The following CNTNAP2 variants were observed in gnomAD, a reference collection of about 807,000 sequenced individuals.
CNTNAP2 encodes contactin-associated protein-like 2.
CNTNAP2 carries 98 observed loss-of-function variants against 155.2 expected under a neutral mutation model. That is an observed-to-expected ratio of 0.63 (90% CI 0.54 to 0.75). The LOEUF (loss-of-function observed/expected upper bound fraction) is 0.75, where lower values mean the gene tolerates loss of function less well. CNTNAP2 is among the 30% of genes least tolerant of loss of function. The pLI, the probability that CNTNAP2 is intolerant of heterozygous loss-of-function variation, is 0.00. For synonymous variants in CNTNAP2, 651 were observed against 631.2 expected, an observed-to-expected ratio of 1.03 and a Z score of -0.47; for missense variants, 1,727 against 1,688.1, an observed-to-expected ratio of 1.02 and a Z score of -0.40.
chr7:146,826,879 G>T (rs967030614), intron 2 of CNTNAP2, among the ~76,000 whole-genome samples: 1 of 150,688 alleles, frequency 6.6e-6, no homozygotes, highest in African/African-American at 2.4e-5. Flanking sequence ...GAGAGAGAGA[G>T]ACTTGAGTAA....
chr7:146,729,271 T>A (rs954568975), intron 1 of CNTNAP2, among the ~76,000 whole-genome samples: 2 of 152,104 alleles, frequency 1.3e-5, no homozygotes, highest in African/African-American at 4.8e-5. Flanking sequence ...GAGACAAAAG[T>A]CTTTTCAATT....
intron 21 of CNTNAP2, 99 bp downstream of exon 21, chr7:148,267,225 G>T (rs761982113): frequency 8.8e-6 from 9 of 1,026,918 alleles, no homozygotes; most frequent in Non-Finnish European, 1.4e-5. Context: ...CTCTTACTGG[G>T]GCCAGTCACG....
At chr7:146,485,930 G>C (rs1460631911) in intron 1 of CNTNAP2, among the ~76,000 whole-genome samples, 1 of 151,146 alleles carries the variant, frequency 6.6e-6, no homozygotes, top group Non-Finnish European at 1.5e-5. Flanking sequence ...AAGTTAAATA[G>C]ATTTTAATCT....
intron 6 of CNTNAP2, among the ~76,000 whole-genome samples, chr7:147,128,096 A>G (rs1305004978): frequency 1.3e-5 from 2 of 152,200 alleles, no homozygotes; most frequent in South Asian, 4.1e-4. Flanking sequence ...TTAAGCCTAC[A>G]CAGCTCAACT....
At chr7:148,254,662 G>A (rs928978888) in intron 20 of CNTNAP2, among the ~76,000 whole-genome samples, 1 of 151,568 alleles carries the variant, frequency 6.6e-6, no homozygotes, top group Non-Finnish European at 1.5e-5. Flanking sequence ...TGTAGTCCCA[G>A]CTACTCAGGA....
intron 21 of CNTNAP2, among the ~76,000 whole-genome samples, chr7:148,326,023 A>G (rs1332058779): frequency 6.6e-6 from 1 of 152,042 alleles, no homozygotes; most frequent in Non-Finnish European, 1.5e-5. Context: ...TCTTTCTCCA[A>G]CCTGGAGACT....
chr7:147,000,472 A>G (rs1025707031), intron 3 of CNTNAP2, among the ~76,000 whole-genome samples: 12 of 152,062 alleles, frequency 7.9e-5, no homozygotes, highest in African/African-American at 2.4e-4. Context: ...TGATGTCTGC[A>G]TACTGTAGAA....
intron 1 of CNTNAP2, among the ~76,000 whole-genome samples, chr7:146,429,586 G>C (rs1334413799): frequency 6.6e-6 from 1 of 152,130 alleles, no homozygotes; most frequent in Non-Finnish European, 1.5e-5. Context: ...TGTATCCTGA[G>C]ACTTTGCTGA....
chr7:148,135,156 T>C (rs1024607876), intron 16 of CNTNAP2, among the ~76,000 whole-genome samples: 1 of 152,220 alleles, frequency 6.6e-6, no homozygotes, highest in African/African-American at 2.4e-5. Flanking sequence ...ATAGCTATTG[T>C]TTTGGTAATA....
chr7:147,810,552 C>T (rs1041013395), intron 13 of CNTNAP2, among the ~76,000 whole-genome samples: 18 of 152,146 alleles, frequency 1.2e-4, no homozygotes, highest in African/African-American at 4.1e-4. Context: ...CAGCCAACCT[C>T]TTTCATGTTC....
intron 9 of CNTNAP2, among the ~76,000 whole-genome samples, chr7:147,359,853 TAATTA>T (rs991794190): frequency 1.3e-5 from 2 of 152,098 alleles, no homozygotes; most frequent in Non-Finnish European, 2.9e-5. Flanking sequence ...TCTACTAATT[TAATTA>T]TTTTTTCATC....
chr7:146,671,537 C>T (rs900873254), intron 1 of CNTNAP2, among the ~76,000 whole-genome samples: 1 of 151,994 alleles, frequency 6.6e-6, no homozygotes, highest in Non-Finnish European at 1.5e-5. Context: ...TTTGGAGCTC[C>T]ACTAGTTACG....
At chr7:147,487,651 A>C (rs1025906694) in intron 11 of CNTNAP2, among the ~76,000 whole-genome samples, 1 of 152,280 alleles carries the variant, frequency 6.6e-6, no homozygotes, top group Admixed American at 6.5e-5. Context: ...CTGAAAAGCA[A>C]CTTATTCTTT....
rs182663435 is a variant in CNTNAP2, at chr7:147,471,813, C to T, written c.1671-14122C>T. Among the ~76,000 whole-genome samples the T allele has an allele frequency of 7.2e-5, 11 of 152,040 alleles. No homozygotes were observed. The East Asian group carries it at 1.4e-3, about 19-fold the overall frequency. On this transcript the variant is annotated intron_variant, in intron 10 of 23. Coordinates refer to ENST00000361727, the MANE Select transcript of CNTNAP2 (RefSeq NM_014141.6). ...CAGTGAATAAGACTGACAATGAACC[C>T]GAGAGGTATAGAACTAAAAAGTTTG...
At chr7:146,662,536 GT>G (rs1014433328) in intron 1 of CNTNAP2, among the ~76,000 whole-genome samples, 1 of 152,024 alleles carries the variant, frequency 6.6e-6, no homozygotes, top group African/African-American at 2.4e-5. Flanking sequence ...AATTATATAG[GT>G]TTTTTTGCAA....
At chr7:146,428,089 T>G (rs1001574935) in intron 1 of CNTNAP2, among the ~76,000 whole-genome samples, 1 of 152,208 alleles carries the variant, frequency 6.6e-6, no homozygotes, top group African/African-American at 2.4e-5. Context: ...TTGTTATAAC[T>G]TTATAGTATT....
At chr7:148,385,744 T>TTGTTTGTTTGTTTGTTTG (rs1799178368) in intron 22 of CNTNAP2, among the ~76,000 whole-genome samples, 1 of 101,986 alleles carries the variant, frequency 9.8e-6, no homozygotes, top group African/African-American at 3.7e-5. Context: ...AGGTTTTTTT[T>TTGTTTGTTTGTTTGTTTG]TTTTTTTTTT....
intron 3 of CNTNAP2, among the ~76,000 whole-genome samples, chr7:146,967,400 A>G (rs1016102751): frequency 2.0e-5 from 3 of 152,204 alleles, no homozygotes; most frequent in Non-Finnish European, 2.9e-5. Context: ...TACCTTGGGC[A>G]GTACGGCCAT....
chr7:147,036,004 C>T (rs558932393), intron 3 of CNTNAP2, among the ~76,000 whole-genome samples: 4 of 152,288 alleles, frequency 2.6e-5, no homozygotes, highest in Middle Eastern at 3.4e-3. Flanking sequence ...TAACTGTCAA[C>T]TGGCTGGAAA....
Sources: allele counts gnomAD v4.1 joint callset (sites outside exome capture counted in the v4.1 genomes callset), GRCh38; gene constraint gnomAD v4.1.1; transcripts MANE v1.5; gene names NCBI Gene and HGNC (gene_info 2026-07-23, HGNC 2026-07-21).